Variants in TYROBP observed in about 807,000 individuals in gnomAD.
TYROBP encodes the protein TYRO protein tyrosine kinase-binding protein.
TYROBP carries 14 observed loss-of-function variants against 17.1 expected under a neutral mutation model. The observed-to-expected ratio is 0.82, with a 90% CI of 0.54 to 1.28. The LOEUF (loss-of-function observed/expected upper bound fraction) is 1.28. TYROBP is among the 50% of genes most tolerant of loss of function. The probability of loss-of-function intolerance (pLI) is 0.00; values close to 1 mark genes in which losing one functional copy is unlikely to be tolerated. For missense variants in TYROBP, 161 were observed against 151.4 expected, an observed-to-expected ratio of 1.06 and a Z score of -0.33; for synonymous variants, 73 against 67.4, an observed-to-expected ratio of 1.08 and a Z score of -0.41.
chr19:35,907,907 G>T, intron 1 of TYROBP, 145 bp from the exon 2 acceptor site: 1 of 875,952 alleles, frequency 1.1e-6, no homozygotes, highest in Non-Finnish European at 1.9e-6. Context: ...GGGGGCTGGC[G>T]TCTGGGCCAC....
rs138901102 is a variant in TYROBP at position 35,907,579 on chromosome 19, A to T, written c.96T>A (p.Asp32Glu). 70 of 1,613,924 alleles carry T rather than the reference A, an allele frequency of 4.3e-5. No homozygotes were observed. In the African/African-American group the frequency reaches 8.5e-4, roughly 20 times the overall value. ...LRPVQAQAQS[D>E]CSCSTVSPGV... is the part of the protein sequence containing the mutation. ...CCGGGCTCACCGTAGAGCAACTGCAATCTGCAGCACAGGGGTCAGGGGAGG... is the reference window on the plus strand; with the variant it reads ...CCGGGCTCACCGTAGAGCAACTGCATTCTGCAGCACAGGGGTCAGGGGAGG... Residue 32 changes from aspartate (D) to glutamate (E), a missense_variant and splice_region_variant, in exon 3 of 5, where the codon GAT becomes GAA. Physicochemically the swap from Asp to Glu is conservative, Grantham distance 45. Transcript: ENST00000262629.
rs961541224 is a variant in TYROBP at position 35,907,505 on chromosome 19, A to G, written c.170T>C (p.Ile57Thr). The change falls in exon 3 of 5, where the codon ATT becomes ACT. Residue 57 changes from isoleucine to threonine, a missense_variant. Ile to Thr is a moderately conservative substitution (Grantham distance 89). Transcript: ENST00000262629. ...GCCCAGGAAGTACACGGCCAGGGCA[A>G]TGAGCACTGTCAGCACCAGGTCTCC... is the stretch of plus-strand genomic sequence containing the variant. ...VMGDLVLTVL[I>T]ALAVYFLGRL... is the part of the protein sequence containing the mutation. The G allele has an allele frequency of 6.2e-6, 10 of 1,613,848 alleles. No individual in the cohort carries two copies. The highest frequency in any genetic ancestry group is 1.3e-5 in the African/African-American group (1 of 74,896).
In TYROBP at chr19:35,907,501, G is replaced by A. The variant is rs1013778759; in HGVS notation, c.174C>T (p.Ala58=). 6.2e-7 allele frequency: 1 copy of A among 1,613,696 alleles called. No individual in the cohort carries two copies. Among genetic ancestry groups the A allele is most frequent in the Non-Finnish European group, 8.5e-7 (1 of 1,179,774 alleles). ...MGDLVLTVLI[A]LAVYFLGRLV... is the part of the protein sequence containing the mutation. ...GCCGGCCCAGGAAGTACACGGCCAGGGCAATGAGCACTGTCAGCACCAGGT... is the reference window on the plus strand; with the variant it reads ...GCCGGCCCAGGAAGTACACGGCCAGAGCAATGAGCACTGTCAGCACCAGGT... Residue 58 remains alanine (A), a synonymous_variant, in exon 3 of 5, where the codon GCC becomes GCT. Coordinates refer to ENST00000262629, the MANE Select transcript of TYROBP (RefSeq NM_003332.4).
At chr19:35,907,930 G>A (rs888642422) in intron 1 of TYROBP, among the ~76,000 whole-genome samples, 168 bp from the exon 2 acceptor site, 3 of 152,134 alleles carry the variant, frequency 2.0e-5, no homozygotes, top group Non-Finnish European at 4.4e-5. Flanking sequence ...GACTATGTGC[G>A]TTACTTCTGC....
chr19:35,904,613 C>G lies in TYROBP; in HGVS notation c.298G>C (p.Asp100His), dbSNP rs569838574. 1 of 1,613,396 alleles carries G rather than the reference C, an allele frequency of 6.2e-7. No individual in the cohort carries two copies. Among genetic ancestry groups the G allele is most frequent in the Non-Finnish European group, 8.5e-7 (1 of 1,179,772 alleles). ...PYQELQGQRSDVYSDLNTQRP... is the reference protein window; with the variant it reads ...PYQELQGQRSHVYSDLNTQRP... ...TGTGTGTTGAGGTCGCTGTAGACATCCGACCTCTGACCCTGGAGCTCCTAA... is the reference window on the plus strand; with the variant it reads ...TGTGTGTTGAGGTCGCTGTAGACATGCGACCTCTGACCCTGGAGCTCCTAA... The change falls in exon 5 of 5, where the codon GAT becomes CAT. Residue 100 changes from aspartate to histidine, a missense_variant. Transcript: ENST00000262629.
intron 4 of TYROBP, among the ~76,000 whole-genome samples, chr19:35,905,756 C>T (rs1975706178): frequency 6.6e-6 from 1 of 151,764 alleles, no homozygotes; most frequent in Non-Finnish European, 1.5e-5. Context: ...AGATTGAGAC[C>T]AGCCTGGCCA....
chr19:35,906,023 G>T (rs1247625880), intron 4 of TYROBP, among the ~76,000 whole-genome samples: 3 of 151,474 alleles, frequency 2.0e-5, no homozygotes, highest in Admixed American at 2.0e-4. Context: ...ATGGTTGCTT[G>T]AGCCTGTAAT....
rs757194021 is a variant in TYROBP, at chr19:35,908,221, C to T, written c.8G>A (p.Gly3Glu). The change falls in exon 1 of 5, where the codon GGA becomes GAA. Residue 3 changes from glycine (G) to glutamate (E), a missense_variant. Coordinates refer to ENST00000262629, the MANE Select transcript of TYROBP (RefSeq NM_003332.4). ...CAGGAGCCTGCTGCAGGGTTCAAGTCCCCCCATGAAGCCGGATGCTGCTGG... is the reference window on the plus strand; with the variant it reads ...CAGGAGCCTGCTGCAGGGTTCAAGTTCCCCCATGAAGCCGGATGCTGCTGG... MGGLEPCSRLLLL... is the reference protein window; with the variant it reads MGELEPCSRLLLL... 6.2e-6 allele frequency: 10 copies of T among 1,613,616 alleles called. No individual in the cohort carries two copies. The African/African-American group carries it at 6.7e-5, about 11-fold the overall frequency.
At chr19:35,904,945 C>A (rs1482532231) in intron 4 of TYROBP, among the ~76,000 whole-genome samples, 2 of 149,496 alleles carry the variant, frequency 1.3e-5, no homozygotes, top group Non-Finnish European at 2.9e-5. Context: ...TTTCTTCCCC[C>A]CACACTCCAG....
At chr19:35,907,161 T>C in intron 4 of TYROBP, 57 bp downstream of exon 4, 1 of 1,523,170 alleles carries the variant, frequency 6.6e-7, no homozygotes, top group Admixed American at 1.9e-5. Context: ...AAGGAGTATC[T>C]GGGGCAGATA....
At chr19:35,907,109 G>A in intron 4 of TYROBP, 109 bp downstream of exon 4, 1 of 1,095,092 alleles carries the variant, frequency 9.1e-7, no homozygotes, top group Non-Finnish European at 1.4e-6. Context: ...AGGTTTGGGG[G>A]TGCTTTAGGC....
chr19:35,908,131 G>C (rs1195288578), intron 1 of TYROBP, 37 bp downstream of exon 1: 6 of 1,601,028 alleles, frequency 3.7e-6, no homozygotes, highest in Non-Finnish European at 4.3e-6. Flanking sequence ...GCTGAGCCCA[G>C]GGACCCGGGA....
chr19:35,905,733 TC>T (rs1975705317), intron 4 of TYROBP, among the ~76,000 whole-genome samples: 1 of 151,224 alleles, frequency 6.6e-6, no homozygotes, highest in African/African-American at 2.4e-5. Context: ...GGTGGGCGGA[TC>T]ACGAGGTCAG....
intron 4 of TYROBP, among the ~76,000 whole-genome samples, chr19:35,906,762 T>C (rs1975734423): frequency 6.6e-6 from 1 of 151,778 alleles, no homozygotes; most frequent in Non-Finnish European, 1.5e-5. Flanking sequence ...AGTTTTCCTC[T>C]TGTTGCCCAG....
intron 1 of TYROBP, 127 bp from the exon 2 acceptor site, chr19:35,907,889 G>A (rs994419459): frequency 9.1e-6 from 9 of 983,900 alleles, no homozygotes; most frequent in South Asian, 8.2e-5. Context: ...CGTGTCTGGC[G>A]GGACTCAGGG....
intron 4 of TYROBP, among the ~76,000 whole-genome samples, chr19:35,906,325 G>A (rs139153723): frequency 0.016 from 2,451 of 152,014 alleles, 80 homozygotes; most frequent in African/African-American, 0.056. Flanking sequence ...TCCTGACCTC[G>A]TGATCCACCC....
intron 3 of TYROBP, 21 bp from the exon 4 acceptor site, chr19:35,907,285 G>A (rs747212988): frequency 5.6e-6 from 9 of 1,612,090 alleles, no homozygotes; most frequent in African/African-American, 1.3e-5. Context: ...GGGGTGTTGT[G>A]GGGTGCAGAG....
chr19:35,904,962 T>TAA (rs78604543), intron 4 of TYROBP, among the ~76,000 whole-genome samples: 226 of 132,394 alleles, frequency 1.7e-3, no homozygotes, highest in African/African-American at 5.8e-3. Flanking sequence ...CCAGCCACTG[T>TAA]AAAAAAAAAA....
chr19:35,904,968 A>G (rs796529079), intron 4 of TYROBP, among the ~76,000 whole-genome samples: 10,788 of 151,760 alleles, frequency 0.071, 937 homozygotes, highest in African/African-American at 0.21. Flanking sequence ...ACTGTAAAAA[A>G]AAAAAAAAAA....
Sources: allele counts gnomAD v4.1 joint callset (sites outside exome capture counted in the v4.1 genomes callset), GRCh38; gene constraint gnomAD v4.1.1; transcripts MANE v1.5; gene names NCBI Gene and HGNC (gene_info 2026-07-23, HGNC 2026-07-21).